The following OR5AN1 variants were observed in gnomAD, a reference collection of about 807,000 sequenced individuals.
OR5AN1 encodes the protein olfactory receptor family 5 subfamily AN member 1.
For synonymous variants in OR5AN1, 167 were observed against 131.8 expected (o/e 1.27, Z -1.83); for missense variants, 476 against 368.9 (o/e 1.29, Z -2.38).
At chr11:59,360,620 C>T (rs953472894) in intron 1 of OR5AN1, among the ~76,000 whole-genome samples, 1 of 152,134 alleles carries the variant, frequency 6.6e-6, no homozygotes, top group Non-Finnish European at 1.5e-5. Context: ...TGTGTTACTC[C>T]TCTCACTGTA....
In OR5AN1 at chr11:59,367,111, A is replaced by C. The variant is rs563057457; in HGVS notation, c.*1717A>C. The C allele has an allele frequency of 6.6e-6, 1 of 152,358 alleles. No individual in the cohort carries two copies. The highest frequency in any genetic ancestry group is 1.9e-4 in the East Asian group (1 of 5,194). The allele number at this position is 152,358 out of a possible 1,614,324, so 9.4% of individuals were successfully genotyped here. A position where few individuals can be genotyped will look rare whatever the true frequency, so the allele number is the denominator to read the frequency against. On this transcript the variant is annotated 3_prime_UTR_variant, in exon 2 of 2. Transcript: ENST00000641998. Reference sequence around the variant, plus strand: ...ATAAAGTAACAAAGCTGTGAATCAGAAAAAAATTGAAAAAAGAATGCCAAT... The same window carrying C: ...ATAAAGTAACAAAGCTGTGAATCAGCAAAAAATTGAAAAAAGAATGCCAAT...
intron 1 of OR5AN1, among the ~76,000 whole-genome samples, chr11:59,362,118 C>G (rs560698622): frequency 6.6e-6 from 1 of 152,038 alleles, no homozygotes; most frequent in East Asian, 1.9e-4. Context: ...ACCTTGTGCA[C>G]TCATCAGTGG....
At chr11:59,361,916 C>T (rs1422219304) in intron 1 of OR5AN1, among the ~76,000 whole-genome samples, 1 of 151,526 alleles carries the variant, frequency 6.6e-6, no homozygotes, top group Non-Finnish European at 1.5e-5. Context: ...AGAAGAAAAT[C>T]AAAATGATAC....
chr11:59,364,970 G>T lies in OR5AN1; in HGVS notation c.512G>T (p.Gly171Val), dbSNP rs769687031. The T allele has an allele frequency of 3.6e-5, 58 of 1,613,886 alleles. 1 individual carries two copies. In the South Asian group the frequency reaches 6.3e-4, roughly 17 times the overall value. The change falls in exon 2 of 2, where the codon GGG becomes GTG. Residue 171 changes from glycine to valine, a missense_variant. Transcript: ENST00000641998. Reference protein sequence around the residue: ...IGALLQLHFCGSNVIRHFFCD... With the variant: ...IGALLQLHFCVSNVIRHFFCD... ...GCTTTGCTTCAACTCCACTTCTGTG[G>T]GTCTAATGTCATCAGACATTTCTTC...
At chr11:59,359,738 C>T (rs1249318115) in intron 1 of OR5AN1, 1 of 152,152 alleles carries the variant, frequency 6.6e-6, no homozygotes, top group Non-Finnish European at 1.5e-5. Flanking sequence ...AGACACTGTC[C>T]TGGGCAACAC....
rs1267785054 is a variant in OR5AN1, at chr11:59,362,772, A to G, written c.-13-1674A>G. Among the ~76,000 whole-genome samples, 4 of 152,318 alleles carry G rather than the reference A, an allele frequency of 2.6e-5. No homozygotes were observed. In the East Asian group the frequency reaches 7.7e-4, roughly 29 times the overall value. Reference sequence around the variant, plus strand: ...ATTACTTTTACACCAACCTAATACTATAAGTCTGTTGGTAAGCTCTGACTT... The same window carrying G: ...ATTACTTTTACACCAACCTAATACTGTAAGTCTGTTGGTAAGCTCTGACTT... On this transcript the variant is annotated intron_variant, in intron 1 of 1. Coordinates refer to ENST00000641998, the MANE Select transcript of OR5AN1 (RefSeq NM_001004729.2).
chr11:59,368,887 A>G lies in OR5AN1; in HGVS notation c.*3493A>G, dbSNP rs1857563721. The G allele has an allele frequency of 6.6e-6, 1 of 152,272 alleles. No homozygotes were observed. Among genetic ancestry groups the G allele is most frequent in the African/African-American group, 2.4e-5 (1 of 41,440 alleles). 9.4% of individuals were successfully genotyped at this position (152,272 alleles called of 1,614,324 possible). On this transcript the variant is annotated 3_prime_UTR_variant, in exon 2 of 2. Transcript: ENST00000641998. Reference sequence around the variant, plus strand: ...CGTTCTGAGCACTGAGAGGGAACACAGCTGCAAATGTGAGGAAACATAGGG... The same window carrying G: ...CGTTCTGAGCACTGAGAGGGAACACGGCTGCAAATGTGAGGAAACATAGGG...
Position 59,364,704 on chromosome 11 carries a change from G to A in OR5AN1, c.246G>A (p.Met82Ile). The change falls in exon 2 of 2, where the codon ATG becomes ATA. Residue 82 changes from methionine to isoleucine, a missense_variant. Physicochemically the swap from Met to Ile is conservative, Grantham distance 10 (BLOSUM62 1). Coordinates refer to ENST00000641998, the MANE Select transcript of OR5AN1 (RefSeq NM_001004729.2). The part of the protein sequence containing the change: ...VCYISSTVPK[M>I]LSNLLQEQQT... The stretch of plus-strand genomic sequence containing the variant: ...ATATCAGCTCCACAGTCCCCAAGAT[G>A]CTCTCCAACCTCTTACAGGAACAGC... The A allele has an allele frequency of 1.2e-6, 2 of 1,613,816 alleles. No individual in the cohort carries two copies. Among genetic ancestry groups the A allele is most frequent in the Non-Finnish European group, 1.7e-6 (2 of 1,179,870 alleles).
Position 59,364,790 on chromosome 11 carries a change from G to T in OR5AN1, c.332G>T (p.Ser111Ile). ...QYFIFSTMGLSESCLMTAMAY... is the reference protein window; with the variant it reads ...QYFIFSTMGLIESCLMTAMAY... Reference sequence around the variant, plus strand: ...TTTATCTTTTCAACGATGGGACTGAGTGAGTCTTGTCTCATGACAGCCATG... The same window carrying T: ...TTTATCTTTTCAACGATGGGACTGATTGAGTCTTGTCTCATGACAGCCATG... Residue 111 changes from serine (S) to isoleucine (I), a missense_variant, in exon 2 of 2, where the codon AGT becomes ATT. Transcript: ENST00000641998. 6.2e-7 allele frequency: 1 copy of T among 1,614,066 alleles called. No homozygotes were observed. Among genetic ancestry groups the T allele is most frequent in the Non-Finnish European group, 8.5e-7 (1 of 1,179,940 alleles).
rs1857550139 is a variant in OR5AN1 at position 59,367,724 on chromosome 11, C to T, written c.*2330C>T. On this transcript the variant is annotated 3_prime_UTR_variant, in exon 2 of 2. Coordinates refer to ENST00000641998, the MANE Select transcript of OR5AN1 (RefSeq NM_001004729.2). ...CCCCCAGCCTAGCACAACACAGCTG[C>T]TCTACCCAAACATAGCCAGACTATG... 1.3e-5 allele frequency: 2 copies of T among 152,372 alleles called. No individual in the cohort carries two copies. Among genetic ancestry groups the T allele is most frequent in the African/African-American group, 2.4e-5 (1 of 41,440 alleles). The allele number at this position is 152,372 out of a possible 1,614,324, so 9.4% of individuals were successfully genotyped here.
rs1180469415 is a variant in OR5AN1 at position 59,371,150 on chromosome 11, G to A, written c.*5756G>A. 1.3e-5 allele frequency: 2 copies of A among 151,510 alleles called. No homozygotes were observed. Among genetic ancestry groups the A allele is most frequent in the East Asian group, 1.9e-4 (1 of 5,162 alleles). 9.4% of individuals were successfully genotyped at this position (151,510 alleles called of 1,614,324 possible). ...ACTTGGTTTTTTTTTTTCCACTAAA[G>A]ATAGCCTTCCAGGTCAGCACATAAA... On this transcript the variant is annotated 3_prime_UTR_variant, in exon 2 of 2. Transcript: ENST00000641998.
Position 59,367,413 on chromosome 11 carries a change from C to G in OR5AN1, c.*2019C>G. On this transcript the variant is annotated 3_prime_UTR_variant, in exon 2 of 2. Transcript: ENST00000641998. ...TACTTGGGTTTTCTGGTAAAAGTAGCTGCAGCCCCAGCAAAGTTGGAGGTT... is the reference window on the plus strand; with the variant it reads ...TACTTGGGTTTTCTGGTAAAAGTAGGTGCAGCCCCAGCAAAGTTGGAGGTT... 6.6e-6 allele frequency: 1 copy of G among 152,354 alleles called. No homozygotes were observed. The highest frequency in any genetic ancestry group is 6.5e-5 in the Admixed American group (1 of 15,276). The allele number at this position is 152,354 out of a possible 1,614,324, so 9.4% of individuals were successfully genotyped here.
rs951027867 is a variant in OR5AN1 at position 59,366,381 on chromosome 11, G to C, written c.*987G>C. 5.9e-5 allele frequency: 9 copies of C among 152,180 alleles called. No homozygotes were observed. Among genetic ancestry groups the C allele is most frequent in the Non-Finnish European group, 1.3e-4 (9 of 68,040 alleles). The allele number at this position is 152,180 out of a possible 1,614,324, so 9.4% of individuals were successfully genotyped here. A position where few individuals can be genotyped will look rare whatever the true frequency, so the allele number is the denominator to read the frequency against. ...CTAACCTGCAGTCATGTTCAGAGAA[G>C]TCATGCATTTAAGCCTACTCTACAT... On this transcript the variant is annotated 3_prime_UTR_variant, in exon 2 of 2. Transcript: ENST00000641998.
In OR5AN1 at chr11:59,369,553, C is replaced by G. The variant is rs952393373; in HGVS notation, c.*4159C>G. The G allele has an allele frequency of 6.6e-6, 1 of 151,682 alleles. No homozygotes were observed. The highest frequency in any genetic ancestry group is 1.9e-4 in the East Asian group (1 of 5,182). The allele number at this position is 151,682 out of a possible 1,614,324, so 9.4% of individuals were successfully genotyped here. On this transcript the variant is annotated 3_prime_UTR_variant, in exon 2 of 2. Coordinates refer to ENST00000641998, the MANE Select transcript of OR5AN1 (RefSeq NM_001004729.2). ...TTGATGCTGGTTCTCTGAAATAAGA[C>G]AGTCAGACACAAATAAAGAAAAAAA...
chr11:59,367,441 A>G lies in OR5AN1; in HGVS notation c.*2047A>G, dbSNP rs1857546916. 6.6e-6 allele frequency: 1 copy of G among 152,048 alleles called. No individual in the cohort carries two copies. Among genetic ancestry groups the G allele is most frequent in the African/African-American group, 2.4e-5 (1 of 41,356 alleles). 9.4% of individuals were successfully genotyped at this position (152,048 alleles called of 1,614,324 possible). On this transcript the variant is annotated 3_prime_UTR_variant, in exon 2 of 2. Coordinates refer to ENST00000641998, the MANE Select transcript of OR5AN1 (RefSeq NM_001004729.2). ...CAGCCCCAGCAAAGTTGGAGGTTAG[A>G]CTCCTGTATATAACCCTAGGAAAGA... is the stretch of plus-strand genomic sequence containing the variant.
Position 59,365,035 on chromosome 11 carries a change from AC to A in OR5AN1, c.578del (p.Thr193IlefsTer7), listed in dbSNP as rs763811286. The A allele has an allele frequency of 5.6e-6, 9 of 1,614,100 alleles. No individual in the cohort carries two copies. The highest frequency in any genetic ancestry group is 7.6e-6 in the Non-Finnish European group (9 of 1,179,984). Reference sequence around the variant, plus strand: ...ACTGTTAATCTTGTCCTGTACTGACACTTTCTTTGTACAGGTCATGACTGCT... The same window carrying A: ...ACTGTTAATCTTGTCCTGTACTGACATTTCTTTGTACAGGTCATGACTGCT... ...PQLLILSCTD[T>X]FFVQVMTAIL... On this transcript the variant is annotated frameshift_variant, in exon 2 of 2. Transcript: ENST00000641998. LOFTEE classifies it low-confidence loss of function (END_TRUNC).
chr11:59,360,539 G>GC (rs1565051769), intron 1 of OR5AN1, among the ~76,000 whole-genome samples: 1 of 151,968 alleles, frequency 6.6e-6, no homozygotes, highest in Non-Finnish European at 1.5e-5. Context: ...TAAGTATTAA[G>GC]CCCAGCATGC....
Position 59,365,186 on chromosome 11 carries a change from C to T in OR5AN1, c.728C>T (p.Ala243Val), listed in dbSNP as rs1857514678. 8 of 1,613,878 alleles carry T rather than the reference C, an allele frequency of 5.0e-6. No individual in the cohort carries two copies. The highest frequency in any genetic ancestry group is 1.1e-5 in the South Asian group (1 of 91,066). ...KGRSKAFNTC[A>V]SHLTAVSLFY... ...AGGTCCAAGGCATTCAACACCTGTG[C>T]TTCTCATCTAACAGCTGTTTCCCTC... Residue 243 changes from alanine (A) to valine (V), a missense_variant, in exon 2 of 2, where the codon GCT becomes GTT. Transcript: ENST00000641998.
intron 1 of OR5AN1, among the ~76,000 whole-genome samples, chr11:59,361,208 T>C (rs1207475873): frequency 1.3e-5 from 2 of 152,238 alleles, no homozygotes; most frequent in East Asian, 1.9e-4. Context: ...ACTTCAGTAC[T>C]AGTTCTTCCT....
Sources: gnomAD v4.1 joint callset for allele counts (sites outside exome capture counted in the v4.1 genomes callset) on GRCh38, gnomAD v4.1.1 for gene constraint, MANE v1.5 for transcripts, NCBI Gene and HGNC (gene_info 2026-07-23, HGNC 2026-07-21) for gene names.